The following SPC25 variants were observed in gnomAD, a reference collection of about 807,000 sequenced individuals.
The protein encoded by SPC25 is SPC25 component of NDC80 kinetochore complex, also known as kinetochore protein Spc25.
SPC25 carries 22 observed loss-of-function variants against 29.6 expected under a neutral mutation model. That is an observed-to-expected ratio of 0.74 (90% CI 0.53 to 1.06). The LOEUF (loss-of-function observed/expected upper bound fraction) is 1.06. SPC25 is among the 50% of genes least tolerant of loss of function. SPC25 has a pLI of 0.00. For missense variants in SPC25, 230 were observed against 255.8 expected, an observed-to-expected ratio of 0.90 and a Z score of 0.69; for synonymous variants, 91 against 90.4, an observed-to-expected ratio of 1.01 and a Z score of -0.04.
At chr2:168,870,155 T>TG (rs1253402637), downstream of SPC25, among the ~76,000 whole-genome samples, 1 of 151,222 alleles carries the variant, frequency 6.6e-6, no homozygotes, top group African/African-American at 2.4e-5. Flanking sequence ...GCTAGCCATA[T>TG]GTAGAAAGCT....
intron 4 of SPC25, chr2:168,865,076 G>A: frequency 2.4e-6 from 3 of 1,247,008 alleles, no homozygotes; most frequent in Non-Finnish European, 3.3e-6. Flanking sequence ...TTTTGAAATG[G>A]ATGGAGTTCT....
rs1258628535 is a variant in SPC25, at chr2:168,882,996, ACCT to A, written c.200-5615_200-5613del. Among the ~76,000 whole-genome samples, 5 of 152,266 alleles carry A rather than the reference ACCT, an allele frequency of 3.3e-5. No homozygotes were observed. The East Asian group carries it at 9.6e-4, about 29-fold the overall frequency. On this transcript the variant is annotated intron_variant, in intron 3 of 6. Transcript: ENST00000282074. ...AAATAAAAGAGCCTTAAAAATATTT[ACCT>A]CCTTTGACCCAGCAATTTCATTTTT...
At chr2:168,888,221 G>A (rs1210028890) in intron 3 of SPC25, among the ~76,000 whole-genome samples, 1 of 152,172 alleles carries the variant, frequency 6.6e-6, no homozygotes, top group African/African-American at 2.4e-5. Context: ...AGGCTGAAAT[G>A]AGCCTAGATC....
Position 168,889,385 on chromosome 2 carries a change from A to G in SPC25, c.133+2T>C, listed in dbSNP as rs1167279160. 1 of 1,614,030 alleles carries G rather than the reference A, an allele frequency of 6.2e-7. No homozygotes were observed. Among genetic ancestry groups the G allele is most frequent in the African/African-American group, 1.3e-5 (1 of 74,922 alleles). On this transcript the variant is annotated splice_donor_variant, in intron 2 of 6. Coordinates refer to ENST00000282074, the MANE Select transcript of SPC25 (RefSeq NM_020675.4). LOFTEE classifies it high-confidence loss of function. ...AGCATGTTACAAGTTAACACTAGGT[A>G]CCTGCAAATGCTTTGATGGAATCCT...
At chr2:168,862,093 G>T (rs368306515) in intron 4 of SPC25, 30 of 1,545,946 alleles carry the variant, frequency 1.9e-5, no homozygotes, top group Non-Finnish European at 2.6e-5. Context: ...CCCATATTGA[G>T]ATTCTTAGCA....
intron 3 of SPC25, among the ~76,000 whole-genome samples, chr2:168,887,374 A>T (rs191057779): frequency 6.6e-6 from 1 of 151,656 alleles, no homozygotes; most frequent in Non-Finnish European, 1.5e-5. Context: ...GTGAGCCGAG[A>T]TCATGCCACT....
At chr2:168,869,463 G>C (rs372406703), downstream of SPC25, among the ~76,000 whole-genome samples, 3 of 152,156 alleles carry the variant, frequency 2.0e-5, no homozygotes, top group Non-Finnish European at 1.5e-5. Flanking sequence ...AAACCCCATC[G>C]TCTCAGCCCA....
At chr2:168,881,669 C>T (rs1690179250) in intron 3 of SPC25, among the ~76,000 whole-genome samples, 2 of 152,142 alleles carry the variant, frequency 1.3e-5, no homozygotes, top group Admixed American at 6.6e-5. Flanking sequence ...ACTTTAAAAT[C>T]GAATGCCAAT....
intron 4 of SPC25, among the ~76,000 whole-genome samples, chr2:168,865,873 T>C (rs576155434): frequency 0.078 from 11,826 of 151,932 alleles, 142 homozygotes; most frequent in African/African-American, 0.18. Context: ...CCATTCACAA[T>C]TGCTTCAAAG....
chr2:168,873,729 G>A, intron 5 of SPC25, 46 bp from the exon 6 acceptor site: 1 of 1,270,032 alleles, frequency 7.9e-7, no homozygotes, highest in Non-Finnish European at 1.1e-6. Flanking sequence ...TTTCAATGGA[G>A]ATACCCTTTC....
chr2:168,888,463 G>A (rs539879649), intron 3 of SPC25, among the ~76,000 whole-genome samples: 40 of 152,266 alleles, frequency 2.6e-4, no homozygotes, highest in South Asian at 2.1e-3. Context: ...GCTGAGGCAG[G>A]AGAGTGGCGT....
chr2:168,864,204 G>GTAATCTGCC (rs1334487162), intron 4 of SPC25, among the ~76,000 whole-genome samples: 2 of 151,834 alleles, frequency 1.3e-5, no homozygotes, highest in African/African-American at 2.4e-5. Context: ...TTGACCTCAA[G>GTAATCTGCC]TAATCTGCCT....
intron 3 of SPC25, among the ~76,000 whole-genome samples, chr2:168,884,674 G>A (rs960667292): frequency 3.3e-5 from 5 of 152,014 alleles, no homozygotes; most frequent in South Asian, 2.1e-4. Flanking sequence ...CTCCAATTAC[G>A]AATTCTGTCT....
chr2:168,875,465 T>G (rs1690068346), intron 5 of SPC25, among the ~76,000 whole-genome samples: 1 of 152,130 alleles, frequency 6.6e-6, no homozygotes, highest in Non-Finnish European at 1.5e-5. Context: ...AGAAAGAGAT[T>G]AACAACAACT....
At chr2:168,889,012 T>TATATATATACACATATATATAC (rs1270531071) in intron 3 of SPC25, among the ~76,000 whole-genome samples, 26 of 62,602 alleles carry the variant, frequency 4.2e-4, no homozygotes, top group African/African-American at 6.8e-5. Flanking sequence ...CACATATATG[T>TATATATATACACATATATATAC]ATATATATAC....
downstream of SPC25, among the ~76,000 whole-genome samples, chr2:168,867,621 G>C (rs1689890586): frequency 6.6e-6 from 1 of 152,274 alleles, no homozygotes; most frequent in African/African-American, 2.4e-5. Flanking sequence ...AAACAACAAA[G>C]ATCAAAAGAG....
intron 4 of SPC25, chr2:168,864,995 T>A (rs1368610669): frequency 1.2e-6 from 2 of 1,612,110 alleles, no homozygotes; most frequent in Non-Finnish European, 1.7e-6. Context: ...CATACTACCT[T>A]CACACTCGGT....
intron 3 of SPC25, among the ~76,000 whole-genome samples, chr2:168,887,336 C>G (rs1690285372): frequency 6.6e-6 from 1 of 151,534 alleles, no homozygotes; most frequent in African/African-American, 2.4e-5. Context: ...GCAGGAGAAT[C>G]ACTTGAACCC....
chr2:168,869,463 G>A (rs372406703), downstream of SPC25, among the ~76,000 whole-genome samples: 57 of 152,274 alleles, frequency 3.7e-4, no homozygotes, highest in Admixed American at 1.4e-3. Flanking sequence ...AAACCCCATC[G>A]TCTCAGCCCA....
Sources: allele counts gnomAD v4.1 joint callset (sites outside exome capture counted in the v4.1 genomes callset), GRCh38; gene constraint gnomAD v4.1.1; transcripts MANE v1.5; gene names NCBI Gene and HGNC (gene_info 2026-07-23, HGNC 2026-07-21).